PDE4D: variants seen among roughly 807,000 people sequenced by gnomAD.
The protein encoded by PDE4D is phosphodiesterase 4D.
A neutral mutation model predicts 87.4 loss-of-function variants in PDE4D; 24 were observed. The ratio of observed to expected loss-of-function variants is 0.27; its 90% CI spans 0.20 to 0.39. PDE4D has a LOEUF of 0.39. Ranked by LOEUF, PDE4D falls within the 10% of genes least tolerant of loss-of-function variation. PDE4D has a pLI of 1.00. For synonymous variants in PDE4D, 384 were observed against 383.2 expected (o/e 1.00, Z -0.02); for missense variants, 714 against 1,041.0 (o/e 0.69, Z 4.32).
chr5:59,405,483 T>C (rs1791451046), intron 1 of PDE4D, among the ~76,000 whole-genome samples: 1 of 152,190 alleles, frequency 6.6e-6, no homozygotes, highest in Admixed American at 6.5e-5. Flanking sequence ...GGTGAAGTCT[T>C]TAGGTTTTTC....
chr5:60,276,557 G>T (rs1279415842), intron 1 of PDE4D, among the ~76,000 whole-genome samples: 2 of 152,118 alleles, frequency 1.3e-5, no homozygotes, highest in African/African-American at 4.8e-5. Flanking sequence ...CTCAAACCTT[G>T]TTCAAATAAG....
intron 5 of PDE4D, among the ~76,000 whole-genome samples, chr5:59,133,611 C>T (rs111804704): frequency 0.012 from 1,758 of 152,254 alleles, 14 homozygotes; most frequent in Middle Eastern, 0.031. Flanking sequence ...TTGTGGCCTC[C>T]CCAGGTCAGC....
chr5:60,016,011 T>TTCTC (rs557990158), intron 2 of PDE4D, among the ~76,000 whole-genome samples: 12 of 146,512 alleles, frequency 8.2e-5, no homozygotes, highest in Admixed American at 8.2e-4. Context: ...ATAATCTCTG[T>TTCTC]TCTCTCTCTC....
At chr5:60,285,788 G>A (rs1583306357) in intron 1 of PDE4D, among the ~76,000 whole-genome samples, 2 of 152,288 alleles carry the variant, frequency 1.3e-5, no homozygotes, top group South Asian at 4.2e-4. Context: ...GCAATAAAAT[G>A]ACCTTGAGAA....
chr5:59,399,488 TC>T (rs1441869729), intron 1 of PDE4D, among the ~76,000 whole-genome samples: 1 of 135,976 alleles, frequency 7.4e-6, no homozygotes, highest in African/African-American at 2.6e-5. Context: ...GGGAAAGGAT[TC>T]CCTATTTAAT....
intron 1 of PDE4D, among the ~76,000 whole-genome samples, chr5:59,477,345 GAGTAT>G (rs1182036240): frequency 4.7e-5 from 5 of 106,058 alleles, no homozygotes; most frequent in East Asian, 5.3e-4. Flanking sequence ...CTAAAACTTA[GAGTAT>G]AATAAAAAAA....
At chr5:59,195,380 G>A (rs1023814) in intron 2 of PDE4D, among the ~76,000 whole-genome samples, 129,068 of 152,144 alleles carry the variant, frequency 0.85, 55,451 homozygotes, top group African/African-American at 0.91. Context: ...CATTGAGCCC[G>A]TGGGAGCCAG....
chr5:59,392,501 G>A (rs1582338798), intron 1 of PDE4D, among the ~76,000 whole-genome samples: 1 of 92,410 alleles, frequency 1.1e-5, no homozygotes, highest in Non-Finnish European at 2.1e-5. Flanking sequence ...ATGTGTGTGT[G>A]TCTATATATA....
intron 6 of PDE4D, among the ~76,000 whole-genome samples, chr5:58,994,406 C>T (rs746612850): frequency 6.6e-6 from 1 of 151,986 alleles, no homozygotes. Context: ...GAAAACAACC[C>T]GACGAGGCCT....
chr5:59,079,837 G>A (rs1580690947), intron 5 of PDE4D, among the ~76,000 whole-genome samples: 1 of 105,444 alleles, frequency 9.5e-6, no homozygotes, highest in Non-Finnish European at 1.8e-5. Flanking sequence ...AAGGAAAGGA[G>A]GGGAGAGGAG....
At chr5:59,973,546 A>G (rs1761003796) in intron 3 of PDE4D, among the ~76,000 whole-genome samples, 1 of 152,192 alleles carries the variant, frequency 6.6e-6, no homozygotes, top group African/African-American at 2.4e-5. Flanking sequence ...TGACATATAG[A>G]GTTTTATAGA....
intron 5 of PDE4D, among the ~76,000 whole-genome samples, chr5:59,085,940 T>C (rs1185096065): frequency 6.6e-6 from 1 of 152,154 alleles, no homozygotes; most frequent in African/African-American, 2.4e-5. Flanking sequence ...GTTGGGGTTG[T>C]AGAAGGAAAA....
At chr5:59,842,601 T>A (rs1399457338) in intron 1 of PDE4D, among the ~76,000 whole-genome samples, 2 of 152,072 alleles carry the variant, frequency 1.3e-5, no homozygotes, top group Non-Finnish European at 2.9e-5. Context: ...AATAAAATAG[T>A]CCCTGTTGCT....
intron 1 of PDE4D, among the ~76,000 whole-genome samples, chr5:59,273,958 T>A (rs1052268219): frequency 1.3e-5 from 2 of 152,130 alleles, no homozygotes; most frequent in African/African-American, 4.8e-5. Flanking sequence ...AGAGAAATAG[T>A]TTGGTTAAAC....
intron 1 of PDE4D, chr5:59,768,670 G>A (rs1410672881): frequency 6.1e-6 from 9 of 1,486,636 alleles, no homozygotes; most frequent in Non-Finnish European, 7.1e-6. Context: ...TGGGTGCAGA[G>A]GAGGCGAGCG....
intron 1 of PDE4D, among the ~76,000 whole-genome samples, chr5:60,277,986 T>C (rs1356002999): frequency 6.6e-6 from 1 of 152,174 alleles, no homozygotes; most frequent in Non-Finnish European, 1.5e-5. Context: ...AGAAGGAAAG[T>C]CTATGGTATT....
At chr5:58,998,566 A>G (rs1749756395) in intron 6 of PDE4D, among the ~76,000 whole-genome samples, 1 of 152,200 alleles carries the variant, frequency 6.6e-6, no homozygotes, top group African/African-American at 2.4e-5. Context: ...TTGGACAACC[A>G]AGACTGAAAT....
intron 2 of PDE4D, among the ~76,000 whole-genome samples, chr5:60,103,914 A>G (rs1344895908): frequency 1.3e-5 from 2 of 152,224 alleles, no homozygotes; most frequent in Non-Finnish European, 2.9e-5. Flanking sequence ...TCCAGTCTAC[A>G]GCTCCCAGCA....
chr5:59,367,886 G>A (rs150450149), intron 1 of PDE4D, among the ~76,000 whole-genome samples: 2 of 152,230 alleles, frequency 1.3e-5, no homozygotes, highest in African/African-American at 4.8e-5. Context: ...CCTTTATGAA[G>A]AGCAGAGCAC....
Sources: allele counts gnomAD v4.1 joint callset (sites outside exome capture counted in the v4.1 genomes callset), GRCh38; gene constraint gnomAD v4.1.1; transcripts MANE v1.5; gene names NCBI Gene and HGNC (gene_info 2026-07-23, HGNC 2026-07-21).